Variants in KLHL3 observed in about 807,000 individuals in gnomAD.
The protein encoded by KLHL3 is kelch like family member 3, also known as kelch-like protein 3.
A neutral mutation model predicts 70.5 loss-of-function variants in KLHL3; 19 were observed. That is an observed-to-expected ratio of 0.27 (90% CI 0.19 to 0.40). KLHL3 has a LOEUF of 0.40. Ranked by LOEUF, KLHL3 falls within the 10% of genes least tolerant of loss-of-function variation. KLHL3 has a pLI of 1.00. For synonymous variants in KLHL3, 258 were observed against 290.3 expected (o/e 0.89, Z 1.13); for missense variants, 512 against 771.1 (o/e 0.66, Z 3.98).
chr5:137,722,180 G>A (rs1474991187), intron 1 of KLHL3, among the ~76,000 whole-genome samples: 1 of 152,194 alleles, frequency 6.6e-6, no homozygotes, highest in African/African-American at 2.4e-5. Flanking sequence ...CTATGCTTTA[G>A]AGTATATTTC....
At chr5:137,647,800 C>CA (rs930577653) in intron 8 of KLHL3, among the ~76,000 whole-genome samples, 1 of 151,926 alleles carries the variant, frequency 6.6e-6, no homozygotes, top group African/African-American at 2.4e-5. Context: ...GGGCAAGGCC[C>CA]GGGGGGAGAG....
At chr5:137,642,899 C>A (rs1336000454) in intron 8 of KLHL3, among the ~76,000 whole-genome samples, 9 of 151,788 alleles carry the variant, frequency 5.9e-5, no homozygotes. Context: ...TTTCAGGAAC[C>A]CTCACCATGC....
At chr5:137,689,486 C>T (rs373767794) in intron 5 of KLHL3, among the ~76,000 whole-genome samples, 54 of 152,264 alleles carry the variant, frequency 3.5e-4, no homozygotes, top group Admixed American at 1.8e-3. Context: ...TGGAATACTA[C>T]GCAGCCATAA....
chr5:137,681,288 A>G (rs1752020103), intron 5 of KLHL3, among the ~76,000 whole-genome samples: 1 of 152,196 alleles, frequency 6.6e-6, no homozygotes, highest in African/African-American at 2.4e-5. Flanking sequence ...ATGATGTATC[A>G]AATGCAGCAT....
intron 8 of KLHL3, among the ~76,000 whole-genome samples, chr5:137,656,835 A>G (rs1013525106): frequency 6.6e-6 from 1 of 152,242 alleles, no homozygotes; most frequent in African/African-American, 2.4e-5. Flanking sequence ...GGAGAGTGAT[A>G]AAGACTCAGT....
chr5:137,633,140 C>T (rs1303776576), intron 12 of KLHL3, among the ~76,000 whole-genome samples: 1 of 151,720 alleles, frequency 6.6e-6, no homozygotes, highest in Non-Finnish European at 1.5e-5. Flanking sequence ...ATTTGCCGGG[C>T]ATGGTGGTGG....
At position 137,653,160 on chromosome 5, in the gene KLHL3, G is replaced by A. The variant is rs557215901; in HGVS notation, c.903+4971C>T. 7 of 152,066 alleles carry A rather than the reference G, an allele frequency of 4.6e-5. No individual in the cohort carries two copies. In the East Asian group the frequency reaches 1.2e-3, roughly 25 times the overall value. 9.4% of individuals were successfully genotyped at this position (152,066 alleles called of 1,614,324 possible). A position where few individuals can be genotyped will look rare whatever the true frequency, so the allele number is the denominator to read the frequency against. ...AGCTACTCGGGAGGCTGAGGCAGGAGAATGGCATGAACCCGGGAGGCAGAA... is the reference window on the plus strand; with the variant it reads ...AGCTACTCGGGAGGCTGAGGCAGGAAAATGGCATGAACCCGGGAGGCAGAA... On this transcript the variant is annotated intron_variant, in intron 8 of 14. Transcript: ENST00000309755.
chr5:137,669,499 G>A lies in KLHL3; in HGVS notation c.637-7468C>T, dbSNP rs1269854887. On this transcript the variant is annotated intron_variant, in intron 6 of 14. Transcript: ENST00000309755. ...CAAAAATGATGAAAAAATTAAAACG[G>A]TAACATCACTTGGCCTGGAAATTGT... Among the ~76,000 whole-genome samples the A allele has an allele frequency of 5.3e-3, 796 of 151,574 alleles. 5 individuals carry two copies. Among genetic ancestry groups the A allele is most frequent in the Non-Finnish European group, 9.4e-3 (634 of 67,478 alleles).
chr5:137,661,726 G>A lies in KLHL3; in HGVS notation c.753+189C>T, dbSNP rs568434488. The A allele has an allele frequency of 6.2e-5, 31 of 497,766 alleles. No homozygotes were observed. In the East Asian group the frequency reaches 9.8e-4, roughly 16 times the overall value. The allele number at this position is 497,766 out of a possible 1,614,324, so 30.8% of individuals were successfully genotyped here. A position where few individuals can be genotyped will look rare whatever the true frequency, so the allele number is the denominator to read the frequency against. ...CAGCAGAGCAGAGACTGAAACCTAA[G>A]TGTCCTATTTTCAAGCCTATGCTCT... On this transcript the variant is annotated intron_variant, in intron 7 of 14. Coordinates refer to ENST00000309755, the MANE Select transcript of KLHL3 (RefSeq NM_017415.3).
At chr5:137,720,408 G>T in intron 2 of KLHL3, 57 bp downstream of exon 2, 1 of 1,607,620 alleles carries the variant, frequency 6.2e-7, no homozygotes, top group South Asian at 1.1e-5. Flanking sequence ...CTCAGTCCTT[G>T]ATGAAGCTCA....
rs1756258573 is a variant in KLHL3, at chr5:137,617,568, AC to A, written c.*4529del. ...AGAACATGATTCCTGTTAAAATAATACATTTGAGGAAATGTTTCTTCAGCTA... is the reference window on the plus strand; with the variant it reads ...AGAACATGATTCCTGTTAAAATAATAATTTGAGGAAATGTTTCTTCAGCTA... On this transcript the variant is annotated 3_prime_UTR_variant, in exon 15 of 15. Transcript: ENST00000309755. 6.6e-6 allele frequency: 1 copy of A among 152,248 alleles called. No homozygotes were observed. Among genetic ancestry groups the A allele is most frequent in the South Asian group, 2.1e-4 (1 of 4,830 alleles). The allele number at this position is 152,248 out of a possible 1,614,324, so 9.4% of individuals were successfully genotyped here.
intron 1 of KLHL3, among the ~76,000 whole-genome samples, chr5:137,723,105 G>A (rs1441117303): frequency 1.3e-5 from 2 of 152,178 alleles, no homozygotes; most frequent in Admixed American, 6.5e-5. Context: ...CAGATACAAA[G>A]AGATTTCTTT....
chr5:137,734,182 T>C (rs1330193709), intron 1 of KLHL3, among the ~76,000 whole-genome samples: 1 of 152,200 alleles, frequency 6.6e-6, no homozygotes, highest in Non-Finnish European at 1.5e-5. Flanking sequence ...CAAATAGGCA[T>C]GGCCCAGAAT....
chr5:137,693,051 C>G (rs1329192807), intron 4 of KLHL3, among the ~76,000 whole-genome samples: 1 of 152,160 alleles, frequency 6.6e-6, no homozygotes, highest in Non-Finnish European at 1.5e-5. Flanking sequence ...CTTCAGTGTA[C>G]TGTCCTCATT....
intron 7 of KLHL3, among the ~76,000 whole-genome samples, chr5:137,660,397 TCCTCCA>T (rs1751443518): frequency 6.6e-6 from 1 of 152,088 alleles, no homozygotes. Flanking sequence ...TCCAGGTGCC[TCCTCCA>T]CCTCCAGCCA....
intron 8 of KLHL3, among the ~76,000 whole-genome samples, chr5:137,641,825 G>C (rs1368992550): frequency 6.6e-6 from 1 of 152,152 alleles, no homozygotes; most frequent in Non-Finnish European, 1.5e-5. Flanking sequence ...GACTTCTAAA[G>C]CATTCCAAAG....
chr5:137,636,294 C>T (rs2149883077), intron 11 of KLHL3, among the ~76,000 whole-genome samples: 1 of 152,326 alleles, frequency 6.6e-6, no homozygotes, highest in Non-Finnish European at 1.5e-5. Context: ...GTTACACTCA[C>T]CCCAGGGCAC....
At chr5:137,682,044 A>T (rs1005338063) in intron 5 of KLHL3, among the ~76,000 whole-genome samples, 1 of 152,186 alleles carries the variant, frequency 6.6e-6, no homozygotes, top group African/African-American at 2.4e-5. Context: ...CTCTGGGGGT[A>T]CAGTTGGGTC....
At chr5:137,723,834 T>C (rs758073071) in intron 1 of KLHL3, among the ~76,000 whole-genome samples, 3 of 152,242 alleles carry the variant, frequency 2.0e-5, no homozygotes, top group Non-Finnish European at 4.4e-5. Flanking sequence ...TCCCCCATTA[T>C]GTATGTTTGT....
Sources: gnomAD v4.1 joint callset for allele counts (sites outside exome capture counted in the v4.1 genomes callset) on GRCh38, gnomAD v4.1.1 for gene constraint, MANE v1.5 for transcripts, NCBI Gene and HGNC (gene_info 2026-07-23, HGNC 2026-07-21) for gene names.